CAPN15: variants seen among roughly 807,000 people sequenced by gnomAD.
The protein encoded by CAPN15 is calpain 15.
Under a neutral mutation model 97.9 loss-of-function variants are expected in CAPN15, and 53 were observed. The ratio of observed to expected loss-of-function variants is 0.54; its 90% CI spans 0.43 to 0.68. CAPN15 has a LOEUF of 0.68. Ranked by LOEUF, CAPN15 falls within the 30% of genes least tolerant of loss-of-function variation. The pLI is 0.00. For synonymous variants in CAPN15, 922 were observed against 722.5 expected (o/e 1.28, Z -4.43); for missense variants, 1,592 against 1,589.8 (o/e 1.00, Z -0.02).
chr16:553,526 C>A lies in CAPN15; in HGVS notation c.*10C>A. On this transcript the variant is annotated 3_prime_UTR_variant, in exon 14 of 14. Coordinates refer to ENST00000219611, the MANE Select transcript of CAPN15 (RefSeq NM_005632.3). Reference sequence around the variant, plus strand: ...GCCCCGACCGCTGTGACCACCATGCCTGGGGCAGGGGCTGTGCACAGACGG... The same window carrying A: ...GCCCCGACCGCTGTGACCACCATGCATGGGGCAGGGGCTGTGCACAGACGG... The A allele has an allele frequency of 1.3e-6, 2 of 1,595,536 alleles. No homozygotes were observed. The highest frequency in any genetic ancestry group is 1.7e-6 in the Non-Finnish European group (2 of 1,168,242).
In CAPN15 at chr16:549,747, C is replaced by T; in HGVS notation, c.1975C>T (p.Leu659=). 2 of 1,588,242 alleles carry T rather than the reference C, an allele frequency of 1.3e-6. No individual in the cohort carries two copies. The highest frequency in any genetic ancestry group is 1.7e-6 in the Non-Finnish European group (2 of 1,167,782). Residue 659 remains leucine, a synonymous_variant, in exon 7 of 14, where the codon CTG becomes TTG. Coordinates refer to ENST00000219611, the MANE Select transcript of CAPN15 (RefSeq NM_005632.3). ...ATLTGAPCES[L]ALQLSSTNPR... The stretch of plus-strand genomic sequence containing the variant: ...GCTCACCGGCGCCCCCTGTGAGAGC[C>T]TGGCGCTGCAGCTCAGCTCCACTAA...
chr16:529,484 G>A (rs1296761804), intron 1 of CAPN15, among the ~76,000 whole-genome samples: 1 of 152,228 alleles, frequency 6.6e-6, no homozygotes, highest in Non-Finnish European at 1.5e-5. Context: ...GGGGCCGAGG[G>A]AGGCTGAGCG....
intron 3 of CAPN15, among the ~76,000 whole-genome samples, chr16:545,389 G>A (rs1457100464): frequency 1.3e-5 from 2 of 152,070 alleles, no homozygotes; most frequent in African/African-American, 4.8e-5. Context: ...ACCGAGAGAG[G>A]CCGGCACAGC....
chr16:534,235 G>GCCGTGGGCCTGTCGTGGGAGGCGAC (rs374380680), intron 2 of CAPN15, among the ~76,000 whole-genome samples: 1 of 151,434 alleles, frequency 6.6e-6, no homozygotes, highest in African/African-American at 2.4e-5. Context: ...TCCCGACAGG[G>GCCGTGGGCCTGTCGTGGGAGGCGAC]GTGTTTGTCC....
chr16:549,981 C>A, intron 7 of CAPN15, 143 bp downstream of exon 7: 1 of 661,126 alleles, frequency 1.5e-6, no homozygotes, highest in Middle Eastern at 4.2e-4. Context: ...GTGGCCAGGC[C>A]ACAGCCCCAA....
rs755161607 is a variant in CAPN15 at position 547,861 on chromosome 16, C to T, written c.1023C>T (p.Phe341=). The change falls in exon 4 of 14, where the codon TTC becomes TTT. Residue 341 remains phenylalanine, a synonymous_variant. Coordinates refer to ENST00000219611, the MANE Select transcript of CAPN15 (RefSeq NM_005632.3). ...YTPASPSSPD[F]TTWSCAKCTL... is the part of the protein sequence containing the mutation. ...CCGCCAGCCCCTCCAGCCCCGACTT[C>T]ACCACCTGGTCATGTGCCAAGTGCA... The T allele has an allele frequency of 2.7e-5, 43 of 1,611,394 alleles. No individual in the cohort carries two copies. In the Admixed American group the frequency reaches 7.2e-4, roughly 27 times the overall value.
rs776193330 is a variant in CAPN15 at position 547,675 on chromosome 16, C to G, written c.837C>G (p.Gly279=). 2.9e-4 allele frequency: 453 copies of G among 1,585,070 alleles called. No individual in the cohort carries two copies. The highest frequency in any genetic ancestry group is 3.7e-4 in the Non-Finnish European group (435 of 1,164,716). ...GCAGGGGAGCCCCCCAGGGCTCGGG[C>G]TGGGCTGGGGCCTCCCGCCTAGCAG... ...AGCRGAPQGS[G]WAGASRLAEL... is the part of the protein sequence containing the mutation. Residue 279 remains glycine, a synonymous_variant, in exon 4 of 14, where the codon GGC becomes GGG. Coordinates refer to ENST00000219611, the MANE Select transcript of CAPN15 (RefSeq NM_005632.3).
chr16:548,682 C>G (rs935496136), intron 4 of CAPN15, among the ~76,000 whole-genome samples: 12 of 152,248 alleles, frequency 7.9e-5, no homozygotes, highest in Non-Finnish European at 1.6e-4. Flanking sequence ...CACGGGTCAA[C>G]TGGGGCGCAG....
At position 547,906 on chromosome 16, in the gene CAPN15, G is replaced by A; in HGVS notation, c.1068G>A (p.Val356=). ...CAKCTLRNPT[V]APRCSACGCS... ...AGTGCACGCTCAGAAACCCCACAGTGGCCCCCAGGTGCTCGGCCTGCGGCT... is the reference window on the plus strand; with the variant it reads ...AGTGCACGCTCAGAAACCCCACAGTAGCCCCCAGGTGCTCGGCCTGCGGCT... The change falls in exon 4 of 14, where the codon GTG becomes GTA. Residue 356 remains valine (V), a synonymous_variant. Coordinates refer to ENST00000219611, the MANE Select transcript of CAPN15 (RefSeq NM_005632.3). 6.2e-7 allele frequency: 1 copy of A among 1,609,972 alleles called. No homozygotes were observed. The highest frequency in any genetic ancestry group is 8.5e-7 in the Non-Finnish European group (1 of 1,178,714).
At chr16:551,056 TC>T (rs1479055904) in intron 7 of CAPN15, among the ~76,000 whole-genome samples, 2 of 17,812 alleles carry the variant, frequency 1.1e-4, no homozygotes, top group African/African-American at 3.2e-4. Context: ...TCGGTGAGGG[TC>T]CCCGGTCGGT....
intron 13 of CAPN15, 44 bp from the exon 14 acceptor site, chr16:553,295 C>T: frequency 7.5e-7 from 1 of 1,324,672 alleles, no homozygotes. Context: ...CTGCCCCCAT[C>T]CCCACCCTGC....
chr16:528,239 G>T lies in CAPN15; in HGVS notation c.-190+210G>T, dbSNP rs556900049. On this transcript the variant is annotated intron_variant, in intron 1 of 13. Coordinates refer to ENST00000219611, the MANE Select transcript of CAPN15 (RefSeq NM_005632.3). ...CGCTGGCGCCTCCAGGCTGGTGGGG[G>T]CCAGGGCTGGGCGATGCTTCGCAGA... is the stretch of plus-strand genomic sequence containing the variant. Among the ~76,000 whole-genome samples, 4 of 152,082 alleles carry T rather than the reference G, an allele frequency of 2.6e-5. No homozygotes were observed. In the South Asian group the frequency reaches 8.3e-4, roughly 31 times the overall value.
At position 552,716 on chromosome 16, in the gene CAPN15, C is replaced by T. The variant is rs1238558094; in HGVS notation, c.2849C>T (p.Thr950Ile). Residue 950 changes from threonine (T) to isoleucine (I), a missense_variant, in exon 12 of 14, where the codon ACC becomes ATC. By Grantham distance (89) the Thr-to-Ile change is moderately conservative. Transcript: ENST00000219611. This position sits in a 1 kb window ranked among gnomAD's most constrained non-coding sequence, Gnocchi z 6.4. Reference protein sequence around the residue: ...VMVEPVEAQPTTLADAIILLT... With the variant: ...VMVEPVEAQPITLADAIILLT... ...GTGGAGCCCGTGGAAGCCCAGCCGA[C>T]CACGCTGGCCGACGCCATCATCCTG... is the stretch of plus-strand genomic sequence containing the variant. 1.9e-6 allele frequency: 3 copies of T among 1,544,410 alleles called. No homozygotes were observed. Among genetic ancestry groups the T allele is most frequent in the Non-Finnish European group, 2.6e-6 (3 of 1,145,934 alleles).
chr16:552,297 G>A lies in CAPN15; in HGVS notation c.2508-4G>A, dbSNP rs372340392. 207 of 1,549,462 alleles carry A rather than the reference G, an allele frequency of 1.3e-4. 1 individual carries two copies. Among genetic ancestry groups the A allele is most frequent in the Admixed American group, 2.3e-4 (12 of 51,972 alleles). On this transcript the variant is annotated splice_region_variant and splice_polypyrimidine_tract_variant and intron_variant, in intron 10 of 13. Transcript: ENST00000219611. This position sits in a 1 kb window ranked among gnomAD's most constrained non-coding sequence, Gnocchi z 6.4. ...GTGACCCTGGCCCGTGGTGTCTGGC[G>A]CAGGCGCTCGGACGCCGTGGACAGC...
intron 1 of CAPN15, among the ~76,000 whole-genome samples, chr16:532,221 C>T (rs2033314442): frequency 7.1e-6 from 1 of 141,240 alleles, no homozygotes; most frequent in African/African-American, 2.7e-5. Context: ...GCCTAGGCGA[C>T]AGAGCTATAC....
intron 3 of CAPN15, among the ~76,000 whole-genome samples, chr16:543,978 GGCC>G (rs2034344492): frequency 7.0e-6 from 1 of 142,770 alleles, no homozygotes; most frequent in East Asian, 2.0e-4. Context: ...GGCAGCCTGC[GGCC>G]ATGCGGCCAT....
chr16:554,314 C>T lies in CAPN15; in HGVS notation c.*798C>T, dbSNP rs1048970792. 1 of 361,638 alleles carries T rather than the reference C, an allele frequency of 2.8e-6. No individual in the cohort carries two copies. Among genetic ancestry groups the T allele is most frequent in the African/African-American group, 2.1e-5 (1 of 46,792 alleles). 22.4% of individuals were successfully genotyped at this position (361,638 alleles called of 1,614,324 possible). ...CCGCTCCCACCTCCCCACAGAAGCCCAGGAGTGTGTGGACGTCTGAGCCCA... is the reference window on the plus strand; with the variant it reads ...CCGCTCCCACCTCCCCACAGAAGCCTAGGAGTGTGTGGACGTCTGAGCCCA... On this transcript the variant is annotated 3_prime_UTR_variant, in exon 14 of 14. Coordinates refer to ENST00000219611, the MANE Select transcript of CAPN15 (RefSeq NM_005632.3).
chr16:530,779 C>T (rs755934306), intron 1 of CAPN15, among the ~76,000 whole-genome samples: 9 of 152,186 alleles, frequency 5.9e-5, no homozygotes, highest in South Asian at 2.1e-4. Flanking sequence ...GCAGGGACCC[C>T]GTGGGCCCCC....
chr16:537,012 C>T (rs1010844121), intron 3 of CAPN15: 20 of 445,684 alleles, frequency 4.5e-5, no homozygotes, highest in Admixed American at 2.6e-4. Flanking sequence ...GGCAGCGGAT[C>T]GGGGCGGTTC....
Sources: gnomAD v4.1 joint callset for allele counts (sites outside exome capture counted in the v4.1 genomes callset) on GRCh38, gnomAD v4.1.1 for gene constraint, Gnocchi (gnomAD v3.1) non-coding constraint, MANE v1.5 for transcripts, NCBI Gene and HGNC (gene_info 2026-07-23, HGNC 2026-07-21) for gene names.